Variants in DDX60 observed in about 807,000 individuals in gnomAD.
DDX60 encodes probable ATP-dependent RNA helicase DDX60.
In DDX60, 165 loss-of-function variants were observed where a neutral mutation model predicts 212.8. That is an observed-to-expected ratio of 0.78 (90% CI 0.68 to 0.88). The LOEUF (loss-of-function observed/expected upper bound fraction) is 0.88, where lower values mean the gene tolerates loss of function less well. Ranked by LOEUF, DDX60 falls within the 40% of genes least tolerant of loss-of-function variation. DDX60 has a pLI of 0.00. For synonymous variants in DDX60, 703 were observed against 685.3 expected (o/e 1.03, Z -0.40); for missense variants, 1,905 against 2,003.9 (o/e 0.95, Z 0.94).
chr4:168,318,129 T>A (rs1737482824), intron 1 of DDX60, among the ~76,000 whole-genome samples: 2 of 152,216 alleles, frequency 1.3e-5, no homozygotes, highest in Non-Finnish European at 2.9e-5. Flanking sequence ...GAAATAAATT[T>A]CTATTGTCTT....
intron 1 of DDX60, among the ~76,000 whole-genome samples, chr4:168,316,078 A>G (rs1737357899): frequency 6.6e-6 from 1 of 152,226 alleles, no homozygotes; most frequent in South Asian, 2.1e-4. Context: ...ATTGGGGAAA[A>G]CCCATCAAGA....
At chr4:168,218,558 T>A (rs1020727735) in intron 37 of DDX60, among the ~76,000 whole-genome samples, 1 of 152,134 alleles carries the variant, frequency 6.6e-6, no homozygotes, top group Admixed American at 6.6e-5. Context: ...ATCCGCATGC[T>A]CATGCTCCCC....
chr4:168,289,694 A>G (rs1363946575), intron 8 of DDX60, among the ~76,000 whole-genome samples: 1 of 152,110 alleles, frequency 6.6e-6, no homozygotes, highest in Non-Finnish European at 1.5e-5. Context: ...ATCCTTCCCC[A>G]CTAACGTGCC....
Position 168,225,533 on chromosome 4 carries a change from T to G in DDX60, c.4677A>C (p.Lys1559Asn), listed in dbSNP as rs1209462017. 1 of 1,604,214 alleles carries G rather than the reference T, an allele frequency of 6.2e-7. No individual in the cohort carries two copies. Among genetic ancestry groups the G allele is most frequent in the South Asian group, 1.1e-5 (1 of 89,026 alleles). ...ATGGAGGTAAAATATACTTACTGAT[T>G]TTTGACAATGGGAGTTGATATTCCT... ...MNQEYQLPLS[K>N]IKFTGKECED... Residue 1559 changes from lysine to asparagine, a missense_variant, in exon 34 of 38, where the codon AAA becomes AAC. By Grantham distance (94) the Lys-to-Asn change is moderately conservative. Transcript: ENST00000393743.
chr4:168,283,442 C>T lies in DDX60; in HGVS notation c.1722+4G>A. 6.2e-7 allele frequency: 1 copy of T among 1,612,672 alleles called. No individual in the cohort carries two copies. ...TTTAATTGGATAGAATTTATAGAAC[C>T]TACGTGTGCCTTTTTGCTCTTGGGC... On this transcript the variant is annotated splice_donor_region_variant and intron_variant, in intron 13 of 37. Coordinates refer to ENST00000393743, the MANE Select transcript of DDX60 (RefSeq NM_017631.6).
chr4:168,317,171 A>G (rs1221090607), intron 1 of DDX60, among the ~76,000 whole-genome samples: 5 of 151,920 alleles, frequency 3.3e-5, no homozygotes, highest in Admixed American at 6.6e-5. Context: ...AAATATGTTA[A>G]ATGACACCAC....
At chr4:168,308,735 C>T (rs997444846) in intron 3 of DDX60, among the ~76,000 whole-genome samples, 42 of 147,068 alleles carry the variant, frequency 2.9e-4, no homozygotes, top group African/African-American at 9.7e-4. Context: ...AGATACACAC[C>T]AATATAAATA....
intron 34 of DDX60, 49 bp from the exon 35 acceptor site, chr4:168,224,434 T>C: frequency 6.3e-7 from 1 of 1,574,964 alleles, no homozygotes; most frequent in South Asian, 1.1e-5. Flanking sequence ...TCAGTCAAAT[T>C]GTCAAACCTC....
At chr4:168,301,685 T>C (rs774408121) in intron 6 of DDX60, among the ~76,000 whole-genome samples, 3 of 152,246 alleles carry the variant, frequency 2.0e-5, no homozygotes, top group Non-Finnish European at 4.4e-5. Context: ...CATCAATAAT[T>C]ATTGTTGCAG....
chr4:168,274,554 A>C (rs947639837), intron 16 of DDX60, among the ~76,000 whole-genome samples: 1 of 152,174 alleles, frequency 6.6e-6, no homozygotes, highest in African/African-American at 2.4e-5. Flanking sequence ...TAATAAGTCT[A>C]TGTAATAGGT....
Position 168,308,148 on chromosome 4 carries a change from A to G in DDX60, c.122T>C (p.Ile41Thr). The G allele has an allele frequency of 6.3e-7, 1 of 1,595,310 alleles. No individual in the cohort carries two copies. The highest frequency in any genetic ancestry group is 1.1e-5 in the South Asian group (1 of 87,374). Reference protein sequence around the residue: ...NDFVESEFFLIDGDSLLITCI... With the variant: ...NDFVESEFFLTDGDSLLITCI... ...TGTGATAAGTAATGAATCCCCATCA[A>G]TCAAAAAAAATTCAGATTCAACAAA... is the stretch of plus-strand genomic sequence containing the variant. The change falls in exon 4 of 38, where the codon ATT becomes ACT. Residue 41 changes from isoleucine to threonine, a missense_variant. By Grantham distance (89) the Ile-to-Thr change is moderately conservative. Coordinates refer to ENST00000393743, the MANE Select transcript of DDX60 (RefSeq NM_017631.6).
intron 25 of DDX60, among the ~76,000 whole-genome samples, chr4:168,260,193 C>G (rs1358684545): frequency 6.6e-6 from 1 of 151,974 alleles, no homozygotes; most frequent in Non-Finnish European, 1.5e-5. Flanking sequence ...TATACATGTG[C>G]CATGTTGGTG....
chr4:168,219,260 C>T (rs1345537722), intron 37 of DDX60, among the ~76,000 whole-genome samples: 1 of 150,860 alleles, frequency 6.6e-6, no homozygotes, highest in African/African-American at 2.4e-5. Flanking sequence ...CACTTCACTC[C>T]AGCCTGGGTG....
Position 168,299,489 on chromosome 4 carries a change from C to G in DDX60, c.723+2811G>C, listed in dbSNP as rs769504139. 1.6e-3 allele frequency among the ~76,000 whole-genome samples: 242 copies of G among 150,552 alleles called. 1 individual carries two copies. The highest frequency in any genetic ancestry group is 1.8e-3 in the East Asian group (9 of 5,090). ...GAAAGCACAAAATAAATTAAAAAAT[C>G]AACAGATCTCATTAATAAATCAAAA... is the stretch of plus-strand genomic sequence containing the variant. On this transcript the variant is annotated intron_variant, in intron 6 of 37. Coordinates refer to ENST00000393743, the MANE Select transcript of DDX60 (RefSeq NM_017631.6).
intron 16 of DDX60, among the ~76,000 whole-genome samples, chr4:168,274,363 G>T (rs1329029774): frequency 6.6e-6 from 1 of 152,166 alleles, no homozygotes; most frequent in African/African-American, 2.4e-5. Flanking sequence ...GTGCGGTTGA[G>T]AAACTAAGTT....
chr4:168,285,689 G>C (rs909701977), intron 10 of DDX60, among the ~76,000 whole-genome samples, 191 bp from the exon 11 acceptor site: 1 of 150,366 alleles, frequency 6.7e-6, no homozygotes, highest in Non-Finnish European at 1.5e-5. Context: ...AGAGTATAAA[G>C]AATCAGACAG....
intron 27 of DDX60, 49 bp from the exon 28 acceptor site, chr4:168,251,155 T>A: frequency 1.3e-6 from 2 of 1,518,642 alleles, no homozygotes; most frequent in Non-Finnish European, 1.8e-6. Flanking sequence ...TTAATTATAA[T>A]TAAAAATGTC....
chr4:168,253,689 G>C (rs1734303490), intron 26 of DDX60, among the ~76,000 whole-genome samples: 16 of 152,084 alleles, frequency 1.1e-4, no homozygotes, highest in Admixed American at 1.0e-3. Context: ...TCCCTTTCTT[G>C]CTTCGTTCAT....
upstream of DDX60, among the ~76,000 whole-genome samples, chr4:168,321,893 G>C (rs921913292): frequency 2.0e-5 from 3 of 152,006 alleles, no homozygotes; most frequent in African/African-American, 7.3e-5. Context: ...TGAACCTATT[G>C]AATTGAATAG....
Sources: allele counts gnomAD v4.1 joint callset (sites outside exome capture counted in the v4.1 genomes callset), GRCh38; gene constraint gnomAD v4.1.1; transcripts MANE v1.5; gene names NCBI Gene and HGNC (gene_info 2026-07-23, HGNC 2026-07-21).